Variants in NOTCH2 observed in about 807,000 individuals in gnomAD.
NOTCH2 encodes notch receptor 2, also known as neurogenic locus notch homolog protein 2.
In NOTCH2, 29 loss-of-function variants were observed where a neutral mutation model predicts 235.8. The observed-to-expected ratio is 0.12, with a 90% confidence interval of 0.09 to 0.17. NOTCH2 has a LOEUF of 0.17. Ranked by LOEUF, NOTCH2 falls within the 10% of genes least tolerant of loss-of-function variation. The pLI is 1.00. For missense variants in NOTCH2, 2,285 were observed against 3,150.2 expected (o/e 0.73, Z 6.57); for synonymous variants, 1,086 against 1,141.5 (o/e 0.95, Z 0.98).
intron 19 of NOTCH2, among the ~76,000 whole-genome samples, chr1:119,938,871 G>A (rs1366834669): frequency 2.0e-5 from 3 of 152,030 alleles, no homozygotes; most frequent in Non-Finnish European, 2.9e-5. Flanking sequence ...TAGTAGAGGC[G>A]GGGTTTCACC....
chr1:120,041,055 AAAAAAAAAAAAAAAAAAT>A (rs1654535766), intron 1 of NOTCH2, among the ~76,000 whole-genome samples: 1 of 112,728 alleles, frequency 8.9e-6, no homozygotes, highest in Non-Finnish European at 1.6e-5. Flanking sequence ...AAAAAAAAAA[AAAAAAAAAAAAAAAAAAT>A]ATATATATAT....
chr1:120,047,656 T>C (rs1654834027), intron 1 of NOTCH2, among the ~76,000 whole-genome samples: 1 of 145,416 alleles, frequency 6.9e-6, no homozygotes, highest in Admixed American at 6.7e-5. Context: ...TGCCCTCCAG[T>C]CTGGGTGACA....
intron 15 of NOTCH2, chr1:119,950,168 G>A (rs1650417931): frequency 3.3e-6 from 1 of 303,340 alleles, no homozygotes; most frequent in South Asian, 3.0e-5. Flanking sequence ...AGGCCATTAA[G>A]AGGAAAAGCT....
intron 5 of NOTCH2, among the ~76,000 whole-genome samples, chr1:119,986,329 A>G (rs1242662718): frequency 6.6e-6 from 1 of 152,222 alleles, no homozygotes; most frequent in Non-Finnish European, 1.5e-5. Context: ...CAACCTGCCT[A>G]AGACTACATG....
intron 1 of NOTCH2, among the ~76,000 whole-genome samples, chr1:120,046,040 T>C (rs868976461): frequency 6.6e-6 from 1 of 151,926 alleles, no homozygotes. Context: ...ATGTATTTAC[T>C]TGAGGAAGCG....
At position 119,982,922 on chromosome 1, in the gene NOTCH2, G is replaced by C. The variant is rs1651866976; in HGVS notation, c.874+4038C>G. Among the ~76,000 whole-genome samples, 3 of 152,168 alleles carry C rather than the reference G, an allele frequency of 2.0e-5. No homozygotes were observed. The South Asian group carries it at 6.2e-4, about 31-fold the overall frequency. On this transcript the variant is annotated intron_variant, in intron 5 of 33. Transcript: ENST00000256646. ...GGAAACCATCTATTCCTCTACTTCAGGGCTAGAACAGATGCTTCTACAAAG... is the reference window on the plus strand; with the variant it reads ...GGAAACCATCTATTCCTCTACTTCACGGCTAGAACAGATGCTTCTACAAAG...
At chr1:119,995,869 A>T (rs1553204010) in intron 4 of NOTCH2, 1 of 152,236 alleles carries the variant, frequency 6.6e-6, no homozygotes, top group East Asian at 1.9e-4. Flanking sequence ...AGTTGATTTT[A>T]TACTGAGGAC....
chr1:119,999,941 AAG>A lies in NOTCH2; in HGVS notation c.416-2611_416-2610del, dbSNP rs1275258050. On this transcript the variant is annotated intron_variant, in intron 3 of 33. Coordinates refer to ENST00000256646, the MANE Select transcript of NOTCH2 (RefSeq NM_024408.4). ...AGAGAAAGAAAGAAAGAAAGAAAGA[AAG>A]AAAGAAAGAAAGAAAGAAAGAAAGA... Among the ~76,000 whole-genome samples the A allele has an allele frequency of 5.3e-5, 6 of 112,910 alleles. No individual in the cohort carries two copies. The East Asian group carries it at 9.0e-4, about 17-fold the overall frequency. The allele number at this position is 112,910 out of a possible 152,430, so 74.1% of individuals were successfully genotyped here.
chr1:119,920,378 A>G lies in NOTCH2; in HGVS notation c.5330T>C (p.Leu1777Pro). The change falls in exon 30 of 34, where the codon CTC (leucine) becomes CCC (proline). Residue 1777 changes from leucine (L) to proline (P), a missense_variant. Physicochemically the swap from Leu to Pro is moderately conservative, Grantham distance 98. Coordinates refer to ENST00000256646, the MANE Select transcript of NOTCH2 (RefSeq NM_024408.4). ...KKVKAEDEAL[L>P]SEEDDPIDRR... ...ATCAATGGGGTCATCTTCTTCTGAG[A>G]GTAAGGCCTCATCTTCAGCCTGAAA... 6.2e-7 allele frequency: 1 copy of G among 1,614,162 alleles called. No homozygotes were observed. The highest frequency in any genetic ancestry group is 8.5e-7 in the Non-Finnish European group (1 of 1,180,026).
intron 5 of NOTCH2, 75 bp downstream of exon 5, chr1:119,986,885 A>G (rs782225997): frequency 1.5e-5 from 24 of 1,599,190 alleles, no homozygotes; most frequent in Non-Finnish European, 2.1e-5. Flanking sequence ...TTTGTTACTG[A>G]TATTTTAAAA....
intron 1 of NOTCH2, among the ~76,000 whole-genome samples, chr1:120,067,258 C>A (rs1444075643): frequency 1.4e-5 from 2 of 144,026 alleles, no homozygotes; most frequent in Admixed American, 6.7e-5. Context: ...TAAATCTCTT[C>A]TACTGCATTA....
rs1557801809 is a variant in NOTCH2 at position 119,915,806 on chromosome 1, T to A, written c.6916A>T (p.Thr2306Ser). The A allele has an allele frequency of 6.2e-7, 1 of 1,613,026 alleles. No individual in the cohort carries two copies. The highest frequency in any genetic ancestry group is 8.5e-7 in the Non-Finnish European group (1 of 1,179,256). The change falls in exon 34 of 34, where the codon ACT becomes TCT. Residue 2306 changes from threonine (T) to serine (S), a missense_variant. By Grantham distance (58) the Thr-to-Ser change is moderately conservative. Transcript: ENST00000256646. Reference protein sequence around the residue: ...TPREPLPPIVTFQLIPKGSIA... With the variant: ...TPREPLPPIVSFQLIPKGSIA... ...CTGCCTTTAGGGATGAGCTGGAAAG[T>A]CACAATGGGGGGCAAGGGCTCCCGA...
At chr1:119,948,313 C>T (rs1335151359) in intron 17 of NOTCH2, 101 bp downstream of exon 17, 3 of 1,258,142 alleles carry the variant, frequency 2.4e-6, no homozygotes, top group Non-Finnish European at 3.5e-6. Context: ...CCGGTATGCC[C>T]AATGTCAGGC....
rs782116722 is a variant in NOTCH2, at chr1:119,969,711, A to C, written c.908T>G (p.Leu303Arg). The change falls in exon 6 of 34, where the codon CTG (leucine) becomes CGG (arginine). Residue 303 changes from leucine to arginine, a missense_variant. Physicochemically the swap from Leu to Arg is moderately radical, Grantham distance 102. Transcript: ENST00000256646. Reference protein sequence around the residue: ...QFCTEDVDECLLQPNACQNGG... With the variant: ...QFCTEDVDECRLQPNACQNGG... Reference sequence around the variant, plus strand: ...ATTTTGACAGGCATTGGGCTGCAGCAGGCATTCATCCACATCCTCTGTGCA... The same window carrying C: ...ATTTTGACAGGCATTGGGCTGCAGCCGGCATTCATCCACATCCTCTGTGCA... 2 of 1,614,012 alleles carry C rather than the reference A, an allele frequency of 1.2e-6. No homozygotes were observed. The highest frequency in any genetic ancestry group is 2.2e-5 in the South Asian group (2 of 91,082).
chr1:119,967,699 T>C (rs1553199865), intron 7 of NOTCH2, 78 bp from the exon 8 acceptor site: 10 of 1,266,458 alleles, frequency 7.9e-6, no homozygotes, highest in Admixed American at 3.4e-5. Flanking sequence ...GAGCATCTGA[T>C]GGTTATAGCA....
At position 119,913,426 on chromosome 1, in the gene NOTCH2, A is replaced by C. The variant is rs144617509; in HGVS notation, c.*1880T>G. 5.1e-5 allele frequency: 12 copies of C among 233,308 alleles called. No individual in the cohort carries two copies. The highest frequency in any genetic ancestry group is 2.6e-4 in the African/African-American group (12 of 45,464). The allele number at this position is 233,308 out of a possible 1,614,324, so 14.5% of individuals were successfully genotyped here. ...AGCCATAGAAGGAATGAGAACTGTC[A>C]TTCAAACCAAAAGAGTCGGGAATTC... On this transcript the variant is annotated 3_prime_UTR_variant, in exon 34 of 34. Coordinates refer to ENST00000256646, the MANE Select transcript of NOTCH2 (RefSeq NM_024408.4).
Position 119,949,008 on chromosome 1 carries a change from T to C in NOTCH2, c.2598A>G (p.Gln866=). Residue 866 remains glutamine (Q), a splice_region_variant and synonymous_variant, in exon 16 of 34, where the codon CAA becomes CAG. Coordinates refer to ENST00000256646, the MANE Select transcript of NOTCH2 (RefSeq NM_024408.4). ...GCTTCTCCACACCCATGTTCTTACC[T>C]TGCCAGCCAGGAGCACACAAGCAAG... ...SYTCLCAPGW[Q]GQRCTIDIDE... 6.2e-7 allele frequency: 1 copy of C among 1,614,196 alleles called. No individual in the cohort carries two copies. Among genetic ancestry groups the C allele is most frequent in the Non-Finnish European group, 8.5e-7 (1 of 1,180,020 alleles).
chr1:119,927,854 G>A (rs1557807916), intron 23 of NOTCH2, among the ~76,000 whole-genome samples: 1 of 152,160 alleles, frequency 6.6e-6, no homozygotes, highest in Admixed American at 6.5e-5. Flanking sequence ...CTTCCATATT[G>A]CAGAATCCCT....
intron 6 of NOTCH2, among the ~76,000 whole-genome samples, chr1:119,968,696 G>A (rs1651246042): frequency 6.6e-6 from 1 of 152,172 alleles, no homozygotes; most frequent in Non-Finnish European, 1.5e-5. Context: ...GGGGCCACCT[G>A]AACACCATCA....
Sources: allele counts gnomAD v4.1 joint callset (sites outside exome capture counted in the v4.1 genomes callset), GRCh38; gene constraint gnomAD v4.1.1; transcripts MANE v1.5; gene names NCBI Gene and HGNC (gene_info 2026-07-23, HGNC 2026-07-21).